The following PCDHA3 variants were observed in gnomAD, a reference collection of about 807,000 sequenced individuals.
PCDHA3 encodes protocadherin alpha-3.
In PCDHA3, 41 loss-of-function variants were observed where a neutral mutation model predicts 62.2. The ratio of observed to expected loss-of-function variants is 0.66; its 90% CI spans 0.51 to 0.86. The LOEUF (loss-of-function observed/expected upper bound fraction) is 0.86. Among genes scored for constraint, PCDHA3 ranks in the 40% least tolerant of loss-of-function variants. The pLI, the probability that PCDHA3 is intolerant of heterozygous loss-of-function variation, is 0.00. For missense variants in PCDHA3, 1,304 were observed against 1,241.2 expected, an observed-to-expected ratio of 1.05 and a Z score of -0.76; for synonymous variants, 640 against 555.4, an observed-to-expected ratio of 1.15 and a Z score of -2.14.
intron 1 of PCDHA3, among the ~76,000 whole-genome samples, chr5:140,954,496 T>G (rs571286912): frequency 2.3e-4 from 35 of 152,256 alleles, no homozygotes; most frequent in Non-Finnish European, 2.8e-4. Context: ...CATTGTGGTT[T>G]TGATTTGCAT....
intron 1 of PCDHA3, chr5:140,823,125 C>T (rs2150122536): frequency 2.0e-5 from 32 of 1,613,928 alleles, no homozygotes; most frequent in South Asian, 2.0e-4. Context: ...TGAACGACAA[C>T]GCTCCGGCGT....
chr5:140,902,703 T>C (rs1451324920), intron 1 of PCDHA3, among the ~76,000 whole-genome samples: 1 of 152,166 alleles, frequency 6.6e-6, no homozygotes, highest in African/African-American at 2.4e-5. Flanking sequence ...GTCTTTTATC[T>C]TTCACTCCCC....
At chr5:140,916,596 G>A (rs1482287916) in intron 1 of PCDHA3, among the ~76,000 whole-genome samples, 3 of 152,194 alleles carry the variant, frequency 2.0e-5, no homozygotes, top group Non-Finnish European at 4.4e-5. Context: ...GCTAGGGCCT[G>A]GAATGCGGGC....
At chr5:140,911,677 C>T (rs904570548) in intron 1 of PCDHA3, among the ~76,000 whole-genome samples, 4 of 152,118 alleles carry the variant, frequency 2.6e-5, no homozygotes, top group African/African-American at 7.2e-5. Flanking sequence ...TCTCACGAAC[C>T]GTGCATCAGG....
At chr5:140,932,727 A>G (rs927294598) in intron 1 of PCDHA3, among the ~76,000 whole-genome samples, 2 of 151,954 alleles carry the variant, frequency 1.3e-5, no homozygotes, top group Non-Finnish European at 2.9e-5. Flanking sequence ...ATTGTATAAT[A>G]TAGACCCTCA....
intron 1 of PCDHA3, among the ~76,000 whole-genome samples, chr5:140,973,235 A>C (rs1390895303): frequency 6.6e-6 from 1 of 152,218 alleles, no homozygotes; most frequent in Non-Finnish European, 1.5e-5. Context: ...GTGACCTGAA[A>C]GAGTTAATTC....
intron 1 of PCDHA3, chr5:140,835,628 C>G (rs1554135129): frequency 1.2e-6 from 2 of 1,613,772 alleles, no homozygotes; most frequent in African/African-American, 1.3e-5. Context: ...CTCTGGACCG[C>G]GAGAGTGTGT....
chr5:140,880,822 A>T (rs893258483), intron 1 of PCDHA3, among the ~76,000 whole-genome samples: 2 of 152,206 alleles, frequency 1.3e-5, no homozygotes, highest in Non-Finnish European at 2.9e-5. Flanking sequence ...GAGTGTCTGG[A>T]AGGGCATATT....
chr5:140,968,465 G>A lies in PCDHA3; in HGVS notation c.2395-10484G>A, dbSNP rs782606184. On this transcript the variant is annotated intron_variant, in intron 1 of 3. Coordinates refer to ENST00000522353, the MANE Select transcript of PCDHA3 (RefSeq NM_018906.3). ...ACTGAGCAGCACTGTGACTGCCAACGTATATGTGGTGGACATGAATGACCA... is the reference window on the plus strand; with the variant it reads ...ACTGAGCAGCACTGTGACTGCCAACATATATGTGGTGGACATGAATGACCA... 78 of 1,614,004 alleles carry A rather than the reference G, an allele frequency of 4.8e-5. No individual in the cohort carries two copies. Among genetic ancestry groups the A allele is most frequent in the Non-Finnish European group, 6.1e-5 (72 of 1,180,028 alleles).
chr5:140,965,323 G>A (rs2095891055), intron 1 of PCDHA3, among the ~76,000 whole-genome samples: 1 of 152,176 alleles, frequency 6.6e-6, no homozygotes, highest in South Asian at 2.1e-4. Flanking sequence ...TTTTACTGAA[G>A]TGAATTTGTT....
At chr5:140,938,876 AAC>A (rs142461507) in intron 1 of PCDHA3, among the ~76,000 whole-genome samples, 10 of 151,120 alleles carry the variant, frequency 6.6e-5, no homozygotes, top group Non-Finnish European at 1.3e-4. Flanking sequence ...GTTAAGAAGC[AAC>A]ACACACACAC....
intron 1 of PCDHA3, among the ~76,000 whole-genome samples, chr5:140,925,505 C>A (rs528944783): frequency 6.6e-5 from 10 of 152,052 alleles, no homozygotes; most frequent in African/African-American, 2.2e-4. Flanking sequence ...CCAATATCCA[C>A]GCAAAAGACC....
chr5:140,852,750 G>A (rs1477121492), intron 1 of PCDHA3: 2 of 984,026 alleles, frequency 2.0e-6, no homozygotes, highest in African/African-American at 3.5e-5. Flanking sequence ...TTTAAACTTG[G>A]ACCCAGGTAT....
chr5:140,868,360 T>C (rs1403678889), intron 1 of PCDHA3: 1 of 152,130 alleles, frequency 6.6e-6, no homozygotes, highest in African/African-American at 2.4e-5. Context: ...AGCAATTAAA[T>C]GTAAATAACA....
intron 1 of PCDHA3, chr5:140,835,452 C>T (rs2150236054): frequency 6.2e-7 from 1 of 1,613,908 alleles, no homozygotes; most frequent in East Asian, 2.2e-5. Flanking sequence ...TTCCCTGTCT[C>T]TCCCTATTCC....
chr5:140,952,418 A>G (rs1563257684), intron 1 of PCDHA3, among the ~76,000 whole-genome samples: 1 of 152,090 alleles, frequency 6.6e-6, no homozygotes, highest in South Asian at 2.1e-4. Context: ...AATGTTCCGC[A>G]GATTCCTACA....
intron 1 of PCDHA3, chr5:140,812,217 A>G (rs1562234594): frequency 6.6e-6 from 1 of 151,494 alleles, no homozygotes; most frequent in East Asian, 1.9e-4. Flanking sequence ...CTTTGTTTAG[A>G]TTTTTTATGA....
intron 1 of PCDHA3, among the ~76,000 whole-genome samples, chr5:140,944,370 A>G (rs1554216325): frequency 6.6e-6 from 1 of 151,966 alleles, no homozygotes; most frequent in Admixed American, 6.6e-5. Flanking sequence ...AATTTTTTAT[A>G]GAGATGGAGT....
intron 1 of PCDHA3, chr5:140,850,119 G>A: frequency 1.3e-6 from 2 of 1,596,076 alleles, no homozygotes; most frequent in East Asian, 2.2e-5. Flanking sequence ...CGACGCGGGC[G>A]TGCCGCCTCT....
Sources: gnomAD v4.1 joint callset for allele counts (sites outside exome capture counted in the v4.1 genomes callset) on GRCh38, gnomAD v4.1.1 for gene constraint, MANE v1.5 for transcripts, NCBI Gene and HGNC (gene_info 2026-07-23, HGNC 2026-07-21) for gene names.